The following BTD variants were observed in gnomAD, a reference collection of about 807,000 sequenced individuals.
BTD encodes biocytinase.
In BTD, 13 loss-of-function variants were observed where a neutral mutation model predicts 17.7. The ratio of observed to expected loss-of-function variants is 0.74; its 90% CI spans 0.48 to 1.17. The LOEUF (loss-of-function observed/expected upper bound fraction) is 1.17. Among genes scored for constraint, BTD ranks in the 50% most tolerant of loss-of-function variants. The pLI, the probability that BTD is intolerant of heterozygous loss-of-function variation, is 0.00. For missense variants in BTD, 674 were observed against 650.4 expected, an observed-to-expected ratio of 1.04 and a Z score of -0.39; for synonymous variants, 240 against 245.2, an observed-to-expected ratio of 0.98 and a Z score of 0.20.
At chr3:15,660,235 G>T (rs948452002) in intron 3 of BTD, among the ~76,000 whole-genome samples, 5 of 152,192 alleles carry the variant, frequency 3.3e-5, no homozygotes, top group Non-Finnish European at 7.3e-5. Context: ...GGACCAACTG[G>T]CTCCAAGAGC....
intron 1 of BTD, among the ~76,000 whole-genome samples, chr3:15,633,677 T>A (rs1355775052): frequency 1.8e-4 from 28 of 152,160 alleles, no homozygotes; most frequent in Non-Finnish European, 2.9e-5. Flanking sequence ...CATACCCTCC[T>A]CTCCTGGCCT....
downstream of BTD, among the ~76,000 whole-genome samples, chr3:15,717,238 A>G (rs2073174858): frequency 6.6e-6 from 1 of 152,098 alleles, no homozygotes; most frequent in African/African-American, 2.4e-5. Flanking sequence ...CAGCCTTCCG[A>G]AGGTAGCTGG....
chr3:15,664,826 AAG>A (rs1455809315), intron 3 of BTD, among the ~76,000 whole-genome samples: 1 of 152,190 alleles, frequency 6.6e-6, no homozygotes, highest in African/African-American at 2.4e-5. Context: ...CATGGACACA[AAG>A]AGGGGAACAG....
Position 15,676,008 on chromosome 3 carries a change from T to C in BTD, c.399+33951T>C, listed in dbSNP as rs753388675. On this transcript the variant is annotated intron_variant, in intron 3 of 3. Coordinates refer to the BTD transcript ENST00000672141. ...CAGAGGTCTAGGGGAAAAAACATGA[T>C]ACATGTACACATATGTGCATGTGCA... 55 of 1,602,200 alleles carry C rather than the reference T, an allele frequency of 3.4e-5. No homozygotes were observed. In the Admixed American group the frequency reaches 9.1e-4, roughly 26 times the overall value.
chr3:15,613,417 A>AT (rs1201050101), intron 1 of BTD, among the ~76,000 whole-genome samples: 1 of 151,490 alleles, frequency 6.6e-6, no homozygotes, highest in Admixed American at 6.6e-5. Flanking sequence ...TGATGTTTTA[A>AT]TTTTTTCTTC....
At chr3:15,681,457 G>T (rs1270125343) in intron 3 of BTD, among the ~76,000 whole-genome samples, 2 of 152,018 alleles carry the variant, frequency 1.3e-5, no homozygotes, top group African/African-American at 4.8e-5. Context: ...CAGAGCCAGG[G>T]TTTTAATTTA....
chr3:15,659,110 A>C (rs977709962), intron 3 of BTD, among the ~76,000 whole-genome samples: 7 of 152,226 alleles, frequency 4.6e-5, no homozygotes, highest in Admixed American at 2.6e-4. Flanking sequence ...AAATGCTTGA[A>C]TCAAGTTTAT....
chr3:15,658,395 C>T (rs75341027), downstream of BTD, among the ~76,000 whole-genome samples: 665 of 152,312 alleles, frequency 4.4e-3, 6 homozygotes, highest in South Asian at 0.015. Context: ...AATTGAGTGA[C>T]GCCATGCTGC....
intron 3 of BTD, among the ~76,000 whole-genome samples, chr3:15,661,259 C>G (rs886249290): frequency 3.8e-4 from 40 of 106,624 alleles, no homozygotes; most frequent in Non-Finnish European, 5.8e-4. Context: ...GAGCTAGACT[C>G]TGTCTCAAAA....
chr3:15,643,960 C>T (rs1559598537), intron 3 of BTD, among the ~76,000 whole-genome samples: 1 of 129,972 alleles, frequency 7.7e-6, no homozygotes, highest in African/African-American at 2.7e-5. Context: ...TTTAAAAACT[C>T]ATTTATTTAA....
chr3:15,643,559 A>T (rs886609740), intron 3 of BTD, among the ~76,000 whole-genome samples: 2 of 152,134 alleles, frequency 1.3e-5, no homozygotes, highest in African/African-American at 4.8e-5. Context: ...AAGGTGAGAA[A>T]TGATAGCTAT....
intron 3 of BTD, among the ~76,000 whole-genome samples, chr3:15,699,028 G>C (rs916576350): frequency 2.0e-5 from 3 of 152,142 alleles, no homozygotes; most frequent in Non-Finnish European, 4.4e-5. Flanking sequence ...GCATGGTACT[G>C]GTAGCAAAAG....
At position 15,648,025 on chromosome 3, in the gene BTD, C is replaced by T. The variant is rs1165920352; in HGVS notation, c.*2537C>T. ...CCAGGCCACTTTTCCCCACAGGTGG[C>T]CCTGCTTGGTACCTGTGCCCCCACC... On this transcript the variant is annotated 3_prime_UTR_variant, in exon 4 of 4. Coordinates refer to ENST00000643237, the MANE Select transcript of BTD (RefSeq NM_001370658.1). Among the ~76,000 whole-genome samples the T allele has an allele frequency of 3.9e-5, 6 of 152,166 alleles. No homozygotes were observed. The highest frequency in any genetic ancestry group is 4.4e-5 in the Non-Finnish European group (3 of 68,030).
rs76968672 is a variant in BTD, at chr3:15,692,948, C to A, written c.400-17112C>A. On this transcript the variant is annotated intron_variant, in intron 3 of 3. Transcript: ENST00000672141. The stretch of plus-strand genomic sequence containing the variant: ...CAGCTTAAAAATAAGGAAATTCAGC[C>A]ACATGCTACAACATGGATGAAACCT... Among the ~76,000 whole-genome samples the A allele has an allele frequency of 4.1e-3, 618 of 152,152 alleles. 1 individual carries two copies. The highest frequency in any genetic ancestry group is 0.023 in the East Asian group (118 of 5,168).
At chr3:15,670,790 GAGA>G (rs2066257873) in intron 3 of BTD, among the ~76,000 whole-genome samples, 1 of 152,222 alleles carries the variant, frequency 6.6e-6, no homozygotes, top group Admixed American at 6.5e-5. Context: ...AGCAGGCCCA[GAGA>G]AGAATGATTC....
intron 3 of BTD, chr3:15,690,182 T>C (rs1251229299): frequency 6.2e-7 from 1 of 1,607,324 alleles, no homozygotes; most frequent in African/African-American, 1.3e-5. Context: ...ACAAAGACTG[T>C]ACCAACACTT....
chr3:15,678,370 A>G, intron 3 of BTD: 6 of 1,579,896 alleles, frequency 3.8e-6, no homozygotes, highest in Non-Finnish European at 5.1e-6. Context: ...ATAAAGAAAA[A>G]TTGAAATATA....
In BTD at chr3:15,635,082, G is replaced by A. The variant is rs1350146073; in HGVS notation, c.-16-342G>A. ...AGAATTATGTCAAATAATCTGGATAGTTACTACTGCTTAAAATCTAAGTGC... is the reference window on the plus strand; with the variant it reads ...AGAATTATGTCAAATAATCTGGATAATTACTACTGCTTAAAATCTAAGTGC... On this transcript the variant is annotated intron_variant, in intron 1 of 3. Coordinates refer to ENST00000643237, the MANE Select transcript of BTD (RefSeq NM_001370658.1). The surrounding 1 kb of genome is among the most constrained non-coding windows in gnomAD (Gnocchi z 4.1). Among the ~76,000 whole-genome samples the A allele has an allele frequency of 6.6e-6, 1 of 152,216 alleles. No individual in the cohort carries two copies. The highest frequency in any genetic ancestry group is 2.4e-5 in the African/African-American group (1 of 41,450).
intron 1 of BTD, among the ~76,000 whole-genome samples, chr3:15,613,417 AT>A (rs1201050101): frequency 6.6e-6 from 1 of 151,490 alleles, no homozygotes; most frequent in Admixed American, 6.6e-5. Flanking sequence ...TGATGTTTTA[AT>A]TTTTTCTTCT....
Sources: gnomAD v4.1 joint callset for allele counts (sites outside exome capture counted in the v4.1 genomes callset) on GRCh38, gnomAD v4.1.1 for gene constraint, Gnocchi (gnomAD v3.1) non-coding constraint, MANE v1.5 for transcripts, NCBI Gene and HGNC (gene_info 2026-07-23, HGNC 2026-07-21) for gene names.